CYFIP1: variants seen among roughly 807,000 people sequenced by gnomAD.
CYFIP1 encodes the protein cytoplasmic FMR1-interacting protein 1.
In CYFIP1, 58 loss-of-function variants were observed where a neutral mutation model predicts 163.5. The observed-to-expected ratio is 0.35, with a 90% CI of 0.29 to 0.44. The LOEUF (loss-of-function observed/expected upper bound fraction) is 0.44, where lower values mean the gene tolerates loss of function less well. CYFIP1 is among the 20% of genes least tolerant of loss of function. The pLI is 1.00. For synonymous variants in CYFIP1, 663 were observed against 660.7 expected (o/e 1.00, Z -0.05); for missense variants, 1,338 against 1,653.8 (o/e 0.81, Z 3.31).
chr15:22,879,258 G>GGA (rs950711987), intron 26 of CYFIP1, among the ~76,000 whole-genome samples: 12 of 152,340 alleles, frequency 7.9e-5, no homozygotes, highest in African/African-American at 2.9e-4. Context: ...ATGGAAGGCA[G>GGA]GAGAGGGCTA....
chr15:22,962,736 CAGTTG>C (rs1405695993), intron 1 of CYFIP1, among the ~76,000 whole-genome samples: 1 of 152,100 alleles, frequency 6.6e-6, no homozygotes, highest in African/African-American at 2.4e-5. Context: ...AAGCACCTTT[CAGTTG>C]AGTTGTTATA....
At chr15:22,881,811 A>G in intron 25 of CYFIP1, 35 bp downstream of exon 25, 1 of 1,593,050 alleles carries the variant, frequency 6.3e-7, no homozygotes, top group Non-Finnish European at 8.6e-7. Flanking sequence ...ACCTCTCCAC[A>G]GACAGCACTG....
chr15:22,889,071 CAAAA>C (rs1198864088), intron 23 of CYFIP1, among the ~76,000 whole-genome samples: 1 of 150,644 alleles, frequency 6.6e-6, no homozygotes, highest in Non-Finnish European at 1.5e-5. Flanking sequence ...AAACAAAAAA[CAAAA>C]AGAAAAACCA....
chr15:22,930,389 C>CAAAAAAA (rs35398202), intron 11 of CYFIP1, among the ~76,000 whole-genome samples: 3 of 114,084 alleles, frequency 2.6e-5, no homozygotes, highest in African/African-American at 6.3e-5. Context: ...CCGTCTCACC[C>CAAAAAAA]AAAAAAAAAA....
chr15:22,916,248 G>T (rs911374424), intron 16 of CYFIP1, among the ~76,000 whole-genome samples: 1 of 152,210 alleles, frequency 6.6e-6, no homozygotes, highest in Non-Finnish European at 1.5e-5. Flanking sequence ...TTCTGTTCAT[G>T]TCTCAGGGCC....
rs1011780601 is a variant in CYFIP1 at position 22,955,922 on chromosome 15, T to A, written c.-6-8631A>T. On this transcript the variant is annotated intron_variant, in intron 1 of 30. Coordinates refer to ENST00000617928, the MANE Select transcript of CYFIP1 (RefSeq NM_014608.6). The stretch of plus-strand genomic sequence containing the variant: ...AACAGTGAATCAACAGAATTTTTTT[T>A]AAATGTGATTTGGGGCTGGGCACAG... Among the ~76,000 whole-genome samples, 5 of 152,080 alleles carry A rather than the reference T, an allele frequency of 3.3e-5. No homozygotes were observed. The East Asian group carries it at 5.8e-4, about 18-fold the overall frequency.
chr15:22,941,137 C>T (rs983541179), intron 6 of CYFIP1, among the ~76,000 whole-genome samples: 2 of 152,168 alleles, frequency 1.3e-5, no homozygotes, highest in African/African-American at 4.8e-5. Context: ...CTCACTGCAG[C>T]CTCTACCTCC....
chr15:22,872,355 G>A (rs2059459506), intron 30 of CYFIP1, among the ~76,000 whole-genome samples: 1 of 150,748 alleles, frequency 6.6e-6, no homozygotes, highest in African/African-American at 2.4e-5. Flanking sequence ...GTGGAGAATA[G>A]AATGAGAAGG....
chr15:22,969,137 T>TC (rs755988852), intron 1 of CYFIP1, among the ~76,000 whole-genome samples: 2 of 151,996 alleles, frequency 1.3e-5, no homozygotes, highest in Non-Finnish European at 2.9e-5. Context: ...TGGGCTTTTT[T>TC]CCCCCTCCCC....
At chr15:22,908,894 C>G (rs1391816482) in intron 21 of CYFIP1, among the ~76,000 whole-genome samples, 1 of 152,174 alleles carries the variant, frequency 6.6e-6, no homozygotes, top group Non-Finnish European at 1.5e-5. Context: ...AAGTGGTGTG[C>G]TACCTTTTGC....
At chr15:22,879,763 A>G (rs2059696011) in intron 26 of CYFIP1, 150 bp downstream of exon 26, 1 of 608,444 alleles carries the variant, frequency 1.6e-6, no homozygotes, top group East Asian at 2.8e-5. Context: ...AATTCAAACT[A>G]AAGTCTCAAC....
chr15:22,976,387 C>A (rs950249529), intron 1 of CYFIP1, among the ~76,000 whole-genome samples: 5 of 152,008 alleles, frequency 3.3e-5, no homozygotes, highest in Non-Finnish European at 5.9e-5. Context: ...CGAACTCCTG[C>A]CCTTGTGATC....
chr15:22,880,467 A>G (rs2059723008), intron 25 of CYFIP1, among the ~76,000 whole-genome samples: 1 of 152,210 alleles, frequency 6.6e-6, no homozygotes. Context: ...GCTAACTAAC[A>G]GCACGCCCAA....
chr15:22,911,859 A>C (rs556794947), intron 18 of CYFIP1, among the ~76,000 whole-genome samples: 1 of 152,360 alleles, frequency 6.6e-6, no homozygotes, highest in South Asian at 2.1e-4. Context: ...GGAGTGCAGC[A>C]GAGTGCTATT....
intron 1 of CYFIP1, among the ~76,000 whole-genome samples, chr15:22,949,060 CAAG>C (rs1567017995): frequency 6.6e-6 from 1 of 152,172 alleles, no homozygotes; most frequent in Non-Finnish European, 1.5e-5. Context: ...TCTACAGATT[CAAG>C]AAGCTCTATG....
chr15:22,951,424 C>A, intron 1 of CYFIP1: 1 of 1,289,458 alleles, frequency 7.8e-7, no homozygotes, highest in Non-Finnish European at 1.0e-6. Context: ...GCCTGCAGAG[C>A]CAGCATGGGG....
chr15:22,911,939 G>A (rs570481976), intron 18 of CYFIP1, among the ~76,000 whole-genome samples: 1 of 152,258 alleles, frequency 6.6e-6, no homozygotes, highest in East Asian at 1.9e-4. Context: ...CAAAGATCAT[G>A]CTCATAACCA....
intron 23 of CYFIP1, among the ~76,000 whole-genome samples, chr15:22,889,537 T>G (rs948894520): frequency 1.5e-4 from 23 of 152,314 alleles, no homozygotes; most frequent in Admixed American, 1.4e-3. Flanking sequence ...AGTGCTATCC[T>G]GGGATCTCAA....
At chr15:22,934,526 C>T (rs1301041117) in intron 9 of CYFIP1, among the ~76,000 whole-genome samples, 3 of 100,852 alleles carry the variant, frequency 3.0e-5, no homozygotes, top group African/African-American at 1.2e-4. Context: ...GACAGTCTCA[C>T]TCTGTTACTA....
Sources: allele counts gnomAD v4.1 joint callset (sites outside exome capture counted in the v4.1 genomes callset), GRCh38; gene constraint gnomAD v4.1.1; transcripts MANE v1.5; gene names NCBI Gene and HGNC (gene_info 2026-07-23, HGNC 2026-07-21).